Variants in IFT88 observed in about 807,000 individuals in gnomAD.
The protein encoded by IFT88 is intraflagellar transport protein 88 homolog.
In IFT88, 74 loss-of-function variants were observed where a neutral mutation model predicts 119.5. The ratio of observed to expected loss-of-function variants is 0.62; its 90% CI spans 0.51 to 0.75. The LOEUF (loss-of-function observed/expected upper bound fraction) is 0.75. IFT88 is among the 30% of genes least tolerant of loss of function. The pLI is 0.00. For missense variants in IFT88, 961 were observed against 977.7 expected (o/e 0.98, Z 0.23); for synonymous variants, 279 against 316.7 (o/e 0.88, Z 1.26).
At chr13:20,623,205 G>A (rs2046801803) in intron 14 of IFT88, among the ~76,000 whole-genome samples, 1 of 152,140 alleles carries the variant, frequency 6.6e-6, no homozygotes, top group South Asian at 2.1e-4. Flanking sequence ...ACACTGTTTT[G>A]ATTACTGTAG....
intron 1 of IFT88, among the ~76,000 whole-genome samples, 154 bp downstream of exon 1, chr13:20,567,410 A>T (rs2035057829): frequency 6.6e-6 from 1 of 152,112 alleles, no homozygotes; most frequent in Admixed American, 6.5e-5. Context: ...CCCCAGATGG[A>T]CTCGGCCTGC....
At chr13:20,626,964 A>G (rs1327218011) in intron 15 of IFT88, among the ~76,000 whole-genome samples, 4 of 152,162 alleles carry the variant, frequency 2.6e-5, no homozygotes, top group East Asian at 1.9e-4. Context: ...TTATCTTCCT[A>G]TTTAGAGAAC....
intron 25 of IFT88, 60 bp from the exon 26 acceptor site, chr13:20,690,994 G>A: frequency 6.3e-7 from 1 of 1,587,604 alleles, no homozygotes; most frequent in Non-Finnish European, 8.6e-7. Flanking sequence ...AGCCTGATTG[G>A]TTTCACATTT....
chr13:20,598,606 C>T, intron 9 of IFT88, 45 bp from the exon 10 acceptor site: 1 of 1,176,488 alleles, frequency 8.5e-7, no homozygotes, highest in Non-Finnish European at 1.3e-6. Flanking sequence ...TGAAAGGGGC[C>T]TAAAGTGGTC....
At chr13:20,591,760 CATTTT>C in intron 6 of IFT88, 79 bp downstream of exon 6, 1 of 892,086 alleles carries the variant, frequency 1.1e-6, no homozygotes, top group Non-Finnish European at 1.8e-6. Flanking sequence ...ATATTACTGT[CATTTT>C]AAATAAAATC....
chr13:20,606,691 C>T, intron 13 of IFT88, among the ~76,000 whole-genome samples: 1 of 152,072 alleles, frequency 6.6e-6, no homozygotes. Context: ...CCAGCCTGAC[C>T]AATATGGTGA....
intron 17 of IFT88, among the ~76,000 whole-genome samples, chr13:20,639,840 G>A (rs897015149): frequency 7.8e-6 from 1 of 127,748 alleles, no homozygotes; most frequent in Non-Finnish European, 1.6e-5. Flanking sequence ...CTAGGCTGGT[G>A]TGCAGTGGCA....
At chr13:20,604,463 A>C (rs1594093996) in intron 12 of IFT88, among the ~76,000 whole-genome samples, 1 of 152,160 alleles carries the variant, frequency 6.6e-6, no homozygotes, top group African/African-American at 2.4e-5. Context: ...TGTACTAACA[A>C]CCCCAGCTTC....
chr13:20,573,204 T>C (rs1014605740), intron 1 of IFT88, among the ~76,000 whole-genome samples: 4 of 152,148 alleles, frequency 2.6e-5, no homozygotes, highest in African/African-American at 4.8e-5. Context: ...TATAAATTAA[T>C]CTAACAATGG....
chr13:20,627,075 C>T (rs1442441137), intron 15 of IFT88, among the ~76,000 whole-genome samples: 3 of 152,178 alleles, frequency 2.0e-5, no homozygotes, highest in African/African-American at 4.8e-5. Context: ...CCAGTGTTCA[C>T]GAAATAAATA....
At chr13:20,602,689 C>G (rs1037665972) in intron 12 of IFT88, among the ~76,000 whole-genome samples, 1 of 152,058 alleles carries the variant, frequency 6.6e-6, no homozygotes, top group Non-Finnish European at 1.5e-5. Flanking sequence ...TTGAGACCAG[C>G]CTGACCAACA....
intron 1 of IFT88, among the ~76,000 whole-genome samples, chr13:20,568,438 A>C (rs2035432827): frequency 6.6e-6 from 1 of 152,188 alleles, no homozygotes; most frequent in Admixed American, 6.5e-5. Context: ...TGTCTATTCA[A>C]CTAAAGTCTC....
intron 13 of IFT88, among the ~76,000 whole-genome samples, 176 bp from the exon 14 acceptor site, chr13:20,615,617 C>T (rs112252361): frequency 7.6e-4 from 116 of 152,252 alleles, no homozygotes; most frequent in African/African-American, 2.7e-3. Context: ...AATTACGTTT[C>T]CTAGTCATGG....
At chr13:20,654,437 A>G (rs1441023089) in intron 21 of IFT88, among the ~76,000 whole-genome samples, 4 of 152,266 alleles carry the variant, frequency 2.6e-5, no homozygotes, top group Admixed American at 2.0e-4. Flanking sequence ...CCTGAAGGAT[A>G]GAGATGCTAT....
chr13:20,598,858 A>G, intron 10 of IFT88, 105 bp downstream of exon 10: 1 of 667,680 alleles, frequency 1.5e-6, no homozygotes, highest in Non-Finnish European at 2.6e-6. Context: ...CTATGCTCTA[A>G]ACAAATCAGT....
chr13:20,672,527 C>A (rs1213376171), intron 24 of IFT88, among the ~76,000 whole-genome samples: 1 of 152,136 alleles, frequency 6.6e-6, no homozygotes, highest in Non-Finnish European at 1.5e-5. Context: ...TTAATGGATC[C>A]GTGTGACTAT....
intron 24 of IFT88, among the ~76,000 whole-genome samples, chr13:20,680,654 G>A (rs1024138057): frequency 1.3e-5 from 2 of 152,204 alleles, no homozygotes; most frequent in African/African-American, 2.4e-5. Flanking sequence ...AGTGTTGCTC[G>A]CCAGCACTTG....
At chr13:20,626,699 TGC>T (rs2047389999) in intron 15 of IFT88, among the ~76,000 whole-genome samples, 1 of 152,112 alleles carries the variant, frequency 6.6e-6, no homozygotes, top group African/African-American at 2.4e-5. Context: ...GTAGAGTGGG[TGC>T]TCCCCCTTCA....
intron 20 of IFT88, among the ~76,000 whole-genome samples, chr13:20,650,269 A>G (rs2051403207): frequency 6.6e-6 from 1 of 152,180 alleles, no homozygotes; most frequent in Non-Finnish European, 1.5e-5. Flanking sequence ...TAAAAGAAGT[A>G]CATCATTCGC....
Sources: gnomAD v4.1 joint callset for allele counts (sites outside exome capture counted in the v4.1 genomes callset) on GRCh38, gnomAD v4.1.1 for gene constraint, MANE v1.5 for transcripts, NCBI Gene and HGNC (gene_info 2026-07-23, HGNC 2026-07-21) for gene names.